The following EHHADH variants were observed in gnomAD, a reference collection of about 807,000 sequenced individuals.
EHHADH encodes the protein enoyl-CoA hydratase and 3-hydroxyacyl CoA dehydrogenase.
In EHHADH, 48 loss-of-function variants were observed where a neutral mutation model predicts 64.4. The ratio of observed to expected loss-of-function variants is 0.75; its 90% CI spans 0.59 to 0.95. The LOEUF is 0.95. Among genes scored for constraint, EHHADH ranks in the 40% least tolerant of loss-of-function variants. EHHADH has a pLI of 0.00. For synonymous variants in EHHADH, 308 were observed against 326.7 expected (o/e 0.94, Z 0.62); for missense variants, 854 against 876.6 (o/e 0.97, Z 0.33).
chr3:185,249,717 T>G (rs1475828195), intron 1 of EHHADH, among the ~76,000 whole-genome samples: 1 of 152,206 alleles, frequency 6.6e-6, no homozygotes, highest in Non-Finnish European at 1.5e-5. Context: ...TTAAGCCTCC[T>G]TCCTTTATAA....
intron 5 of EHHADH, among the ~76,000 whole-genome samples, chr3:185,205,485 A>G (rs1301344217): frequency 6.6e-6 from 1 of 152,252 alleles, no homozygotes; most frequent in Non-Finnish European, 1.5e-5. Flanking sequence ...ATATATATCA[A>G]TGGAAGAGAA....
intron 6 of EHHADH, among the ~76,000 whole-genome samples, chr3:185,196,018 T>G (rs1718052366): frequency 6.6e-6 from 1 of 152,256 alleles, no homozygotes. Context: ...ATACACATCT[T>G]TCTTATCTCC....
At chr3:185,218,292 T>C in intron 4 of EHHADH, 52 bp from the exon 5 acceptor site, 1 of 1,330,368 alleles carries the variant, frequency 7.5e-7, no homozygotes, top group Admixed American at 1.8e-5. Context: ...GATGTAAGAT[T>C]AAAGCAAAAG....
At chr3:185,206,221 C>T (rs935801154) in intron 5 of EHHADH, among the ~76,000 whole-genome samples, 1 of 151,360 alleles carries the variant, frequency 6.6e-6, no homozygotes, top group Non-Finnish European at 1.5e-5. Flanking sequence ...AAAAAATCCT[C>T]AAAAGGAGAA....
intron 3 of EHHADH, among the ~76,000 whole-genome samples, chr3:185,230,157 C>T (rs185711699): frequency 1.2e-4 from 19 of 152,230 alleles, no homozygotes; most frequent in Non-Finnish European, 2.4e-4. Context: ...ATTTAAAAAA[C>T]GACAGACAAT....
At chr3:185,200,368 A>G (rs1196719907) in intron 6 of EHHADH, among the ~76,000 whole-genome samples, 1 of 152,184 alleles carries the variant, frequency 6.6e-6, no homozygotes, top group Non-Finnish European at 1.5e-5. Flanking sequence ...TATAATAAAT[A>G]TATTAAATTA....
chr3:185,201,376 T>G (rs746901274), intron 6 of EHHADH, among the ~76,000 whole-genome samples: 5 of 152,052 alleles, frequency 3.3e-5, no homozygotes, highest in Non-Finnish European at 5.9e-5. Flanking sequence ...TGAAAAGGGA[T>G]AGAACGACAA....
chr3:185,196,819 C>T (rs572352389), intron 6 of EHHADH, among the ~76,000 whole-genome samples: 14 of 151,982 alleles, frequency 9.2e-5, no homozygotes, highest in South Asian at 8.3e-4. Flanking sequence ...CTGGCCAACA[C>T]GGCAAAATCC....
At chr3:185,215,668 G>A (rs1718664113) in intron 5 of EHHADH, among the ~76,000 whole-genome samples, 1 of 152,066 alleles carries the variant, frequency 6.6e-6, no homozygotes, top group Non-Finnish European at 1.5e-5. Context: ...CCTCAATACA[G>A]CTGGAAAAAA....
In EHHADH at chr3:185,216,468, A is replaced by G. The variant is rs1250415225; in HGVS notation, c.568+1668T>C. 6.6e-6 allele frequency among the ~76,000 whole-genome samples: 1 copy of G among 152,226 alleles called. No individual in the cohort carries two copies. Among genetic ancestry groups the G allele is most frequent in the Non-Finnish European group, 1.5e-5 (1 of 68,028 alleles). ...TCTGTCAAGTGACTTCTAACAAAAC[A>G]ATAAGCCCCCTCGGGAAGCACAATG... On this transcript the variant is annotated intron_variant, in intron 5 of 6. Transcript: ENST00000231887. This position sits in a 1 kb window ranked among gnomAD's most constrained non-coding sequence, Gnocchi z 5.3.
intron 5 of EHHADH, among the ~76,000 whole-genome samples, chr3:185,215,720 C>T (rs927368584): frequency 3.9e-5 from 6 of 152,102 alleles, no homozygotes; most frequent in African/African-American, 1.2e-4. Flanking sequence ...TTTGAGAAAA[C>T]TAACTTATCC....
At position 185,229,480 on chromosome 3, in the gene EHHADH, G is replaced by A; in HGVS notation, c.415C>T (p.Leu139Phe). ...LLPGARGTQL[L>F]PRLTGVPAAL... ...GCAGGAACTCCAGTGAGTCTGGGGA[G>A]AAGCTGGGTTCCTCTTGCACCAGGG... The change falls in exon 4 of 7, where the codon CTC becomes TTC. Residue 139 changes from leucine to phenylalanine, a missense_variant. Transcript: ENST00000231887. The A allele has an allele frequency of 6.3e-7, 1 of 1,577,038 alleles. No individual in the cohort carries two copies. The highest frequency in any genetic ancestry group is 8.6e-7 in the Non-Finnish European group (1 of 1,158,844).
chr3:185,223,140 C>T (rs766894523), intron 4 of EHHADH, among the ~76,000 whole-genome samples: 2 of 152,166 alleles, frequency 1.3e-5, no homozygotes, highest in Non-Finnish European at 2.9e-5. Flanking sequence ...TTATTCAAAG[C>T]AGAGACCTCT....
chr3:185,217,607 T>C (rs945335494), intron 5 of EHHADH, among the ~76,000 whole-genome samples: 4 of 149,410 alleles, frequency 2.7e-5, no homozygotes, highest in African/African-American at 4.9e-5. Context: ...TCTCTTGCCA[T>C]ATGACGTGCC....
chr3:185,208,995 A>G (rs1298612710), intron 5 of EHHADH, among the ~76,000 whole-genome samples: 1 of 152,214 alleles, frequency 6.6e-6, no homozygotes, highest in African/African-American at 2.4e-5. Flanking sequence ...ATAGAGACAG[A>G]AAGATCAGTG....
intron 2 of EHHADH, among the ~76,000 whole-genome samples, chr3:185,242,534 T>C (rs888616636): frequency 6.6e-6 from 1 of 152,214 alleles, no homozygotes; most frequent in Non-Finnish European, 1.5e-5. Flanking sequence ...AGCCAACTGA[T>C]CTTTGACAAA....
chr3:185,219,066 A>ATAGT (rs1718768570), intron 4 of EHHADH, among the ~76,000 whole-genome samples: 1 of 152,182 alleles, frequency 6.6e-6, no homozygotes, highest in Non-Finnish European at 1.5e-5. Flanking sequence ...TAAAAAAAAG[A>ATAGT]TAGTCCCCAG....
At chr3:185,196,383 G>A (rs1007405606) in intron 6 of EHHADH, among the ~76,000 whole-genome samples, 3 of 152,014 alleles carry the variant, frequency 2.0e-5, no homozygotes, top group South Asian at 2.1e-4. Context: ...AATATTATTC[G>A]GCCATAAAAA....
intron 4 of EHHADH, 73 bp from the exon 5 acceptor site, chr3:185,218,313 T>G: frequency 9.9e-7 from 1 of 1,009,950 alleles, no homozygotes; most frequent in South Asian, 1.5e-5. Flanking sequence ...CATTACTCTC[T>G]CTAGTAGGAA....
Sources: gnomAD v4.1 joint callset for allele counts (sites outside exome capture counted in the v4.1 genomes callset) on GRCh38, gnomAD v4.1.1 for gene constraint, Gnocchi (gnomAD v3.1) non-coding constraint, MANE v1.5 for transcripts, NCBI Gene and HGNC (gene_info 2026-07-23, HGNC 2026-07-21) for gene names.